PRKN: variants seen among roughly 807,000 people sequenced by gnomAD.
PRKN encodes E3 ubiquitin-protein ligase parkin.
Under a neutral mutation model 59.5 loss-of-function variants are expected in PRKN, and 56 were observed. The ratio of observed to expected loss-of-function variants is 0.94; its 90% confidence interval spans 0.76 to 1.18. PRKN has a LOEUF of 1.18. Among genes scored for constraint, PRKN ranks in the 50% most tolerant of loss-of-function variants. The pLI is 0.00. For missense variants in PRKN, 657 were observed against 596.4 expected, an observed-to-expected ratio of 1.10 and a Z score of -1.06; for synonymous variants, 250 against 222.1, an observed-to-expected ratio of 1.13 and a Z score of -1.12.
At chr6:162,376,373 C>A (rs909815922) in intron 2 of PRKN, among the ~76,000 whole-genome samples, 2 of 152,090 alleles carry the variant, frequency 1.3e-5, no homozygotes, top group African/African-American at 2.4e-5. Flanking sequence ...TTACACATAT[C>A]CACATGGATC....
chr6:162,478,015 A>ACAGGGTCCTAGAGCG (rs1792110959), intron 1 of PRKN, among the ~76,000 whole-genome samples: 1 of 152,076 alleles, frequency 6.6e-6, no homozygotes, highest in African/African-American at 2.4e-5. Context: ...GTCCTAGAGC[A>ACAGGGTCCTAGAGCG]CAGGGTCCTA....
intron 3 of PRKN, among the ~76,000 whole-genome samples, chr6:162,213,451 G>C (rs1413039427): frequency 6.9e-6 from 1 of 144,658 alleles, no homozygotes; most frequent in Non-Finnish European, 1.5e-5. Flanking sequence ...AACGATGCTG[G>C]GCACAGTGGC....
At position 161,429,717 on chromosome 6, in the gene PRKN, T is replaced by A. The variant is rs1033206600; in HGVS notation, c.1084-42840A>T. Among the ~76,000 whole-genome samples the A allele has an allele frequency of 2.6e-5, 4 of 152,122 alleles. No homozygotes were observed. Among genetic ancestry groups the A allele is most frequent in the Non-Finnish European group, 4.4e-5 (3 of 68,034 alleles). Reference sequence around the variant, plus strand: ...AGGGTGTGTGGGAGGAGGGTGAGTTTCAGAGTCATTAATGGGCCTTTTCTT... The same window carrying A: ...AGGGTGTGTGGGAGGAGGGTGAGTTACAGAGTCATTAATGGGCCTTTTCTT... On this transcript the variant is annotated intron_variant, in intron 9 of 11. Coordinates refer to ENST00000366898, the MANE Select transcript of PRKN (RefSeq NM_004562.3). The surrounding 1 kb of genome is among the most constrained non-coding windows in gnomAD (Gnocchi z 4.2).
chr6:161,868,366 GC>G (rs1794209118), intron 6 of PRKN, among the ~76,000 whole-genome samples: 1 of 151,874 alleles, frequency 6.6e-6, no homozygotes, highest in Non-Finnish European at 1.5e-5. Context: ...ATCACTCGAA[GC>G]TAGGAGTTCA....
chr6:162,228,142 G>A (rs1269550886), intron 3 of PRKN, among the ~76,000 whole-genome samples: 1 of 152,170 alleles, frequency 6.6e-6, no homozygotes, highest in African/African-American at 2.4e-5. Flanking sequence ...ATTGAACCAC[G>A]TAATAAGAGA....
At chr6:162,465,382 C>G (rs1188629146) in intron 1 of PRKN, among the ~76,000 whole-genome samples, 1 of 152,162 alleles carries the variant, frequency 6.6e-6, no homozygotes, top group Non-Finnish European at 1.5e-5. Context: ...ACCAAATTTT[C>G]TCTTCTTATG....
At chr6:162,278,963 A>C (rs1427647724) in intron 2 of PRKN, among the ~76,000 whole-genome samples, 1 of 151,830 alleles carries the variant, frequency 6.6e-6, no homozygotes, top group South Asian at 2.1e-4. Context: ...GATTTTTTTA[A>C]AAAATTTTTT....
intron 1 of PRKN, among the ~76,000 whole-genome samples, chr6:162,443,786 T>C (rs1401447581): frequency 1.3e-5 from 2 of 151,772 alleles, no homozygotes; most frequent in African/African-American, 4.8e-5. Context: ...ATTGAAAGAG[T>C]CCCATGAGTT....
intron 10 of PRKN, among the ~76,000 whole-genome samples, chr6:161,364,576 G>C (rs180809442): frequency 8.6e-5 from 13 of 151,700 alleles, no homozygotes; most frequent in Admixed American, 2.0e-4. Context: ...AAAGAAAATG[G>C]GTAACGTATG....
Position 162,359,079 on chromosome 6 carries a change from A to ATATAT in PRKN, c.171+84230_171+84231insATATA, listed in dbSNP as rs1554304694. Among the ~76,000 whole-genome samples the ATATAT allele has an allele frequency of 2.1e-3, 174 of 83,188 alleles. 2 individuals are homozygous for ATATAT. Among genetic ancestry groups the ATATAT allele is most frequent in the African/African-American group, 9.0e-3 (123 of 13,618 alleles). The allele number at this position is 83,188 out of a possible 152,430, so 54.6% of individuals were successfully genotyped here. A position where few individuals can be genotyped will look rare whatever the true frequency, so the allele number is the denominator to read the frequency against. On this transcript the variant is annotated intron_variant, in intron 2 of 11. Coordinates refer to ENST00000366898, the MANE Select transcript of PRKN (RefSeq NM_004562.3). ...TGTGGCAAAAAAAAAAAAAAAAAAA[A>ATATAT]ATATATATATATATATATGAAATCA... is the stretch of plus-strand genomic sequence containing the variant.
chr6:161,454,135 T>C lies in PRKN; in HGVS notation c.1084-67258A>G, dbSNP rs1230873343. On this transcript the variant is annotated intron_variant, in intron 9 of 11. Coordinates refer to ENST00000366898, the MANE Select transcript of PRKN (RefSeq NM_004562.3). This position sits in a 1 kb window ranked among gnomAD's most constrained non-coding sequence, Gnocchi z 4.6. ...TCTGAGATGGAAGGAAACCTAAAAG[T>C]AACAATGTACACAACTCGCTAGGGT... 6.6e-6 allele frequency among the ~76,000 whole-genome samples: 1 copy of C among 152,156 alleles called. No homozygotes were observed. The highest frequency in any genetic ancestry group is 1.9e-4 in the East Asian group (1 of 5,182).
intron 4 of PRKN, among the ~76,000 whole-genome samples, chr6:162,176,112 AG>A (rs1783520157): frequency 6.6e-6 from 1 of 152,026 alleles, no homozygotes; most frequent in African/African-American, 2.4e-5. Context: ...AAGCAGGGGG[AG>A]CTTGGGGCAC....
Position 161,376,862 on chromosome 6 carries a change from A to G in PRKN, c.1167+9932T>C, listed in dbSNP as rs1785728416. ...AAGTCTCAGAGCCTGTTCTCCTGGGAACCTATAACCTGTGGCACTTGGTGC... is the reference window on the plus strand; with the variant it reads ...AAGTCTCAGAGCCTGTTCTCCTGGGGACCTATAACCTGTGGCACTTGGTGC... On this transcript the variant is annotated intron_variant, in intron 10 of 11. Coordinates refer to ENST00000366898, the MANE Select transcript of PRKN (RefSeq NM_004562.3). This position sits in a 1 kb window ranked among gnomAD's most constrained non-coding sequence, Gnocchi z 7.3. Among the ~76,000 whole-genome samples the G allele has an allele frequency of 6.6e-6, 1 of 152,192 alleles. No individual in the cohort carries two copies. The highest frequency in any genetic ancestry group is 1.5e-5 in the Non-Finnish European group (1 of 68,032).
intron 4 of PRKN, among the ~76,000 whole-genome samples, chr6:162,081,092 C>T (rs1427725754): frequency 6.6e-6 from 1 of 152,070 alleles, no homozygotes; most frequent in African/African-American, 2.4e-5. Context: ...CTATTTTCAC[C>T]TCATCTTCAG....
intron 1 of PRKN, among the ~76,000 whole-genome samples, chr6:162,684,964 T>C (rs1349489556): frequency 6.6e-6 from 1 of 152,170 alleles, no homozygotes; most frequent in African/African-American, 2.4e-5. Context: ...GTGTTTTTCA[T>C]AAACATGTTT....
intron 1 of PRKN, among the ~76,000 whole-genome samples, chr6:162,484,006 T>A (rs774446552): frequency 6.6e-6 from 1 of 152,184 alleles, no homozygotes; most frequent in African/African-American, 2.4e-5. Flanking sequence ...GAATGAAACA[T>A]TGCAAAAATA....
At chr6:161,976,695 G>A (rs1781046328) in intron 5 of PRKN, among the ~76,000 whole-genome samples, 1 of 152,156 alleles carries the variant, frequency 6.6e-6, no homozygotes, top group African/African-American at 2.4e-5. Context: ...GAAATACGCT[G>A]AGCTAGCTAC....
chr6:161,698,411 T>C (rs1468306281), intron 7 of PRKN, among the ~76,000 whole-genome samples: 1 of 152,128 alleles, frequency 6.6e-6, no homozygotes, highest in African/African-American at 2.4e-5. Flanking sequence ...GAGTCTAAAT[T>C]TGTCTAAGAA....
intron 2 of PRKN, among the ~76,000 whole-genome samples, chr6:162,351,822 T>C (rs1784638545): frequency 6.6e-6 from 1 of 152,022 alleles, no homozygotes; most frequent in Non-Finnish European, 1.5e-5. Context: ...CCTGAGGTTT[T>C]TGTGTGTGTT....
Sources: gnomAD v4.1 joint callset for allele counts (sites outside exome capture counted in the v4.1 genomes callset) on GRCh38, gnomAD v4.1.1 for gene constraint, Gnocchi (gnomAD v3.1) non-coding constraint, MANE v1.5 for transcripts, NCBI Gene and HGNC (gene_info 2026-07-23, HGNC 2026-07-21) for gene names.